The following RCC2 variants were observed in gnomAD, a reference collection of about 807,000 sequenced individuals.
RCC2 encodes regulator of chromosome condensation 2, also known as protein RCC2.
RCC2 carries 19 observed loss-of-function variants against 64.1 expected under a neutral mutation model. The ratio of observed to expected loss-of-function variants is 0.30; its 90% CI spans 0.21 to 0.44. RCC2 has a LOEUF of 0.44. RCC2 is among the 20% of genes least tolerant of loss of function. The pLI is 1.00. For missense variants in RCC2, 508 were observed against 710.4 expected (o/e 0.72, Z 3.24); for synonymous variants, 325 against 279.6 (o/e 1.16, Z -1.62).
Position 17,435,262 on chromosome 1 carries a change from C to G in RCC2, c.285+2968G>C, listed in dbSNP as rs553026377. 6.6e-5 allele frequency among the ~76,000 whole-genome samples: 10 copies of G among 152,332 alleles called. No individual in the cohort carries two copies. In the South Asian group the frequency reaches 2.1e-3, roughly 32 times the overall value. The stretch of plus-strand genomic sequence containing the variant: ...TGCACATCTTTTACTCAAGGCAATT[C>G]TGCCCCTCAACAATGTAAGTATTTG... On this transcript the variant is annotated intron_variant, in intron 2 of 12. Coordinates refer to ENST00000375436, the MANE Select transcript of RCC2 (RefSeq NM_018715.4).
Position 17,415,842 on chromosome 1 carries a change from G to A in RCC2, c.1026+638C>T, listed in dbSNP as rs79195220. 5.2e-3 allele frequency among the ~76,000 whole-genome samples: 782 copies of A among 151,460 alleles called. 28 individuals are homozygous for A. In the East Asian group the frequency reaches 0.095, roughly 18 times the overall value. On this transcript the variant is annotated intron_variant, in intron 8 of 12. Transcript: ENST00000375436. Reference sequence around the variant, plus strand: ...CCAGCACTTTGAGAGGCCGAGGTGGGCAGATCACCTGAGGTCAGGAGTTTG... The same window carrying A: ...CCAGCACTTTGAGAGGCCGAGGTGGACAGATCACCTGAGGTCAGGAGTTTG...
chr1:17,420,769 T>C lies in RCC2; in HGVS notation c.804A>G (p.Ile268Met). The C allele has an allele frequency of 6.2e-7, 1 of 1,613,006 alleles. No homozygotes were observed. The highest frequency in any genetic ancestry group is 1.1e-5 in the South Asian group (1 of 90,716). The stretch of plus-strand genomic sequence containing the variant: ...AATAGAGGTTTCCTTTGCAGTCCAT[T>C]ATCATACTGAATTCAGCCCCACAGG... The part of the protein sequence containing the change: ...KMACGAEFSM[I>M]MDCKGNLYSF... The change falls in exon 7 of 13, where the codon ATA (isoleucine) becomes ATG (methionine). Residue 268 changes from isoleucine (I) to methionine (M), a missense_variant. By Grantham distance (10) the Ile-to-Met change is conservative (BLOSUM62 1). Coordinates refer to ENST00000375436, the MANE Select transcript of RCC2 (RefSeq NM_018715.4).
intron 4 of RCC2, 100 bp from the exon 5 acceptor site, chr1:17,422,936 T>A: frequency 6.8e-7 from 1 of 1,468,162 alleles, no homozygotes. Context: ...GATGCCCATC[T>A]GTCTCTGGAA....
chr1:17,433,530 C>T (rs1388655618), intron 2 of RCC2, among the ~76,000 whole-genome samples: 2 of 152,164 alleles, frequency 1.3e-5, no homozygotes, highest in Non-Finnish European at 2.9e-5. Context: ...TTTTTTTGGA[C>T]GAACTCAGTG....
At position 17,408,674 on chromosome 1, in the gene RCC2, T is replaced by A. The variant is rs2075391844; in HGVS notation, c.*416A>T. ...GCCGGTTCCTGTAAGGGACATTTTT[T>A]CTGAGTAAATGGCGATTCCTCTTCC... On this transcript the variant is annotated 3_prime_UTR_variant, in exon 13 of 13. Coordinates refer to ENST00000375436, the MANE Select transcript of RCC2 (RefSeq NM_018715.4). The A allele has an allele frequency of 6.0e-6, 1 of 167,484 alleles. No homozygotes were observed. Among genetic ancestry groups the A allele is most frequent in the Non-Finnish European group, 1.3e-5 (1 of 77,980 alleles). The allele number at this position is 167,484 out of a possible 1,614,324, so 10.4% of individuals were successfully genotyped here.
intron 8 of RCC2, among the ~76,000 whole-genome samples, chr1:17,416,078 A>AAG (rs1491422092): frequency 1.4e-4 from 7 of 50,810 alleles, no homozygotes; most frequent in African/African-American, 5.1e-4. Context: ...CAAAAAAAAA[A>AAG]GGGGGGGGGG....
chr1:17,412,169 C>T lies in RCC2; in HGVS notation c.1339G>A (p.Asp447Asn), dbSNP rs777976805. Reference sequence around the variant, plus strand: ...GGACCCCAGCTGATGGTGCTCTCATCGGCGGCCACAATGATGCTGCTCTTC... The same window carrying T: ...GGACCCCAGCTGATGGTGCTCTCATTGGCGGCCACAATGATGCTGCTCTTC... The part of the protein sequence containing the change: ...CGKSSIIVAA[D>N]ESTISWGPSP... Residue 447 changes from aspartate to asparagine, a missense_variant, in exon 11 of 13, where the codon GAT becomes AAT. Asp to Asn is a conservative substitution (Grantham distance 23). This residue lies in a region of RCC2 where 179 missense variants were observed against 322.0 expected (regional missense o/e 0.56). Coordinates refer to ENST00000375436, the MANE Select transcript of RCC2 (RefSeq NM_018715.4). 20 of 1,614,020 alleles carry T rather than the reference C, an allele frequency of 1.2e-5. No homozygotes were observed. The highest frequency in any genetic ancestry group is 4.5e-5 in the East Asian group (2 of 44,892).
At chr1:17,437,619 C>T (rs1268115709) in intron 2 of RCC2, among the ~76,000 whole-genome samples, 2 of 152,152 alleles carry the variant, frequency 1.3e-5, no homozygotes, top group Non-Finnish European at 2.9e-5. Flanking sequence ...GCAAACAAAG[C>T]CCGAGCACCG....
intron 7 of RCC2, among the ~76,000 whole-genome samples, chr1:17,419,549 G>C (rs1472214370): frequency 6.6e-6 from 1 of 152,222 alleles, no homozygotes; most frequent in Non-Finnish European, 1.5e-5. Context: ...CGATTCTGTA[G>C]CTACAAATCA....
chr1:17,424,192 G>A (rs1351108165), intron 4 of RCC2, among the ~76,000 whole-genome samples: 1 of 152,176 alleles, frequency 6.6e-6, no homozygotes, highest in Non-Finnish European at 1.5e-5. Flanking sequence ...ACCAGACGCC[G>A]CCCCCTGCCT....
intron 2 of RCC2, among the ~76,000 whole-genome samples, chr1:17,431,944 CA>C (rs573615218): frequency 2.0e-5 from 3 of 152,058 alleles, no homozygotes; most frequent in East Asian, 3.9e-4. Context: ...ACTAAAAATA[CA>C]AAAAATTAGC....
At chr1:17,419,482 G>T (rs2075526589) in intron 7 of RCC2, among the ~76,000 whole-genome samples, 1 of 152,206 alleles carries the variant, frequency 6.6e-6, no homozygotes, top group Admixed American at 6.5e-5. Flanking sequence ...TGATCTATCT[G>T]GATTTGGACA....
intron 10 of RCC2, 106 bp from the exon 11 acceptor site, chr1:17,412,300 A>T (rs917093869): frequency 6.2e-6 from 6 of 972,642 alleles, no homozygotes; most frequent in Non-Finnish European, 9.5e-6. Flanking sequence ...CCCTTGGCGT[A>T]CTCATTCCAA....
chr1:17,410,578 T>C (rs929252771), intron 11 of RCC2, among the ~76,000 whole-genome samples: 7 of 152,288 alleles, frequency 4.6e-5, no homozygotes, highest in East Asian at 3.9e-4. Context: ...ACTGGATGAA[T>C]TGGCGCAGCT....
At chr1:17,423,305 G>T (rs138007854) in intron 4 of RCC2, among the ~76,000 whole-genome samples, 2 of 152,182 alleles carry the variant, frequency 1.3e-5, no homozygotes, top group Non-Finnish European at 2.9e-5. Context: ...AGGACCATTT[G>T]GTGTCTGCCC....
chr1:17,424,831 T>A (rs1026814402), intron 4 of RCC2, among the ~76,000 whole-genome samples: 3 of 152,134 alleles, frequency 2.0e-5, no homozygotes, highest in African/African-American at 7.2e-5. Context: ...ACCCTATGAT[T>A]GGAATGATCT....
At chr1:17,437,640 G>A (rs1334225934) in intron 2 of RCC2, among the ~76,000 whole-genome samples, 1 of 4,640 alleles carries the variant, frequency 2.2e-4, no homozygotes, top group African/African-American at 2.0e-3. Context: ...CTCAGCCGGG[G>A]GGCTTCCCCG....
intron 7 of RCC2, among the ~76,000 whole-genome samples, chr1:17,417,734 CCGGCTTGTGGCTAATCCCCCTCCATA>C (rs575746303): frequency 4.7e-4 from 72 of 152,162 alleles, no homozygotes; most frequent in African/African-American, 1.7e-3. Flanking sequence ...AAACTAGCCC[CCGGCTTGTGGCTAATCCCCCTCCATA>C]CGGCACGCTG....
At position 17,434,787 on chromosome 1, in the gene RCC2, G is replaced by C. The variant is rs543360162; in HGVS notation, c.285+3443C>G. ...ACTGATTGCTTGCTTGATAGCAGGGGGAGACCTCCCTTTACGTCTAGTCAC... is the reference window on the plus strand; with the variant it reads ...ACTGATTGCTTGCTTGATAGCAGGGCGAGACCTCCCTTTACGTCTAGTCAC... On this transcript the variant is annotated intron_variant, in intron 2 of 12. Coordinates refer to ENST00000375436, the MANE Select transcript of RCC2 (RefSeq NM_018715.4). 7.7e-4 allele frequency among the ~76,000 whole-genome samples: 118 copies of C among 152,344 alleles called. 1 individual carries two copies. The highest frequency in any genetic ancestry group is 2.7e-3 in the African/African-American group (114 of 41,576).
Sources: gnomAD v4.1 joint callset for allele counts (sites outside exome capture counted in the v4.1 genomes callset) on GRCh38, gnomAD v4.1.1 for gene constraint, gnomAD v4.1.1 regional missense constraint, MANE v1.5 for transcripts, NCBI Gene and HGNC (gene_info 2026-07-23, HGNC 2026-07-21) for gene names.